GLIS3: variants seen among roughly 807,000 people sequenced by gnomAD.
GLIS3 encodes zinc finger protein GLIS3.
A neutral mutation model predicts 78.6 loss-of-function variants in GLIS3; 53 were observed. The ratio of observed to expected loss-of-function variants is 0.67; its 90% CI spans 0.54 to 0.85. GLIS3 has a LOEUF of 0.85. Ranked by LOEUF, GLIS3 falls within the 40% of genes least tolerant of loss-of-function variation. The probability of loss-of-function intolerance (pLI) is 0.00; values close to 1 mark genes in which losing one functional copy is unlikely to be tolerated. For synonymous variants in GLIS3, 684 were observed against 509.9 expected (o/e 1.34, Z -4.60); for missense variants, 1,703 against 1,231.1 (o/e 1.38, Z -5.74).
chr9:4,048,788 G>T (rs1588536139), intron 4 of GLIS3, among the ~76,000 whole-genome samples: 2 of 152,276 alleles, frequency 1.3e-5, no homozygotes, highest in African/African-American at 2.4e-5. Context: ...CCTAGCCTAT[G>T]CACCTGTTAG....
chr9:3,979,829 T>C (rs560075153), intron 4 of GLIS3, among the ~76,000 whole-genome samples: 32 of 152,216 alleles, frequency 2.1e-4, no homozygotes, highest in Non-Finnish European at 4.3e-4. Context: ...CCAGATGGTA[T>C]TTCTGGAAGA....
chr9:4,480,885 G>C, the GLIS3 span, among the ~76,000 whole-genome samples: 4 of 149,142 alleles, frequency 2.7e-5, no homozygotes, highest in South Asian at 6.3e-4. Flanking sequence ...GACAGGTATT[G>C]CTCTGTTGCT....
chr9:4,044,067 A>G (rs1825050861), intron 4 of GLIS3, among the ~76,000 whole-genome samples: 2 of 152,208 alleles, frequency 1.3e-5, no homozygotes, highest in African/African-American at 4.8e-5. Context: ...GGTCCGGCAC[A>G]GAAGAGAAAA....
chr9:3,940,896 C>T (rs796791466), intron 4 of GLIS3, among the ~76,000 whole-genome samples: 12 of 152,266 alleles, frequency 7.9e-5, no homozygotes, highest in African/African-American at 2.4e-4. Flanking sequence ...GCAAGGTCAA[C>T]GTGTACGGCT....
At chr9:4,026,031 T>C (rs1217158191) in intron 4 of GLIS3, among the ~76,000 whole-genome samples, 1 of 152,190 alleles carries the variant, frequency 6.6e-6, no homozygotes, top group African/African-American at 2.4e-5. Context: ...GCTAACATAA[T>C]CTATGCTTTG....
At chr9:4,132,377 C>T (rs1833042986) in intron 2 of GLIS3, among the ~76,000 whole-genome samples, 1 of 152,150 alleles carries the variant, frequency 6.6e-6, no homozygotes, top group South Asian at 2.1e-4. Context: ...TTAATGTCTT[C>T]ATTAGTTAAA....
chr9:4,102,884 T>C (rs1207169369), intron 4 of GLIS3, among the ~76,000 whole-genome samples: 1 of 151,980 alleles, frequency 6.6e-6, no homozygotes, highest in African/African-American at 2.4e-5. Context: ...TTCTATGTCA[T>C]CCTTAAGAGC....
chr9:3,866,815 A>C (rs1338605775), intron 8 of GLIS3, among the ~76,000 whole-genome samples: 1 of 152,206 alleles, frequency 6.6e-6, no homozygotes, highest in South Asian at 2.1e-4. Context: ...TATTCCATTT[A>C]CATCTTAAAG....
At chr9:4,165,004 C>T (rs1835768664) in intron 2 of GLIS3, among the ~76,000 whole-genome samples, 1 of 152,126 alleles carries the variant, frequency 6.6e-6, no homozygotes, top group Non-Finnish European at 1.5e-5. Flanking sequence ...TGCTTTGGTA[C>T]ACTGGGTTAC....
intron 2 of GLIS3, among the ~76,000 whole-genome samples, chr9:4,279,461 A>G (rs539569401): frequency 2.6e-5 from 4 of 151,040 alleles, no homozygotes; most frequent in African/African-American, 9.7e-5. Context: ...AAAAACAATA[A>G]TATCAACAAA....
chr9:4,192,028 A>C (rs1284159479), intron 2 of GLIS3, among the ~76,000 whole-genome samples: 1 of 152,198 alleles, frequency 6.6e-6, no homozygotes, highest in Non-Finnish European at 1.5e-5. Flanking sequence ...TTCTCAAAAA[A>C]GGGCCATAAT....
chr9:4,359,581 T>C, the GLIS3 span, among the ~76,000 whole-genome samples: 3 of 152,178 alleles, frequency 2.0e-5, no homozygotes, highest in Non-Finnish European at 4.4e-5. Flanking sequence ...CACTAAATGT[T>C]TTATTTAATA....
chr9:4,424,594 C>T, the GLIS3 span, among the ~76,000 whole-genome samples: 20 of 152,092 alleles, frequency 1.3e-4, no homozygotes, highest in Non-Finnish European at 2.6e-4. Context: ...GACAGAATTT[C>T]GCTCTGTCAT....
chr9:4,224,789 A>C (rs1821629943), intron 2 of GLIS3, among the ~76,000 whole-genome samples: 1 of 151,360 alleles, frequency 6.6e-6, no homozygotes, highest in Admixed American at 6.6e-5. Flanking sequence ...GAAGTATTTC[A>C]AGCTATTTTC....
chr9:4,131,031 A>AT (rs769925875), intron 2 of GLIS3, among the ~76,000 whole-genome samples: 81 of 152,292 alleles, frequency 5.3e-4, no homozygotes, highest in Non-Finnish European at 9.1e-4. Flanking sequence ...AAAGGAGATT[A>AT]TTTGGGAGCT....
chr9:4,296,529 T>C (rs574554155), intron 1 of GLIS3, among the ~76,000 whole-genome samples: 80 of 152,264 alleles, frequency 5.3e-4, no homozygotes, highest in African/African-American at 1.8e-3. Context: ...TGATCACTTC[T>C]TCCAAGCAAA....
the GLIS3 span, among the ~76,000 whole-genome samples, chr9:4,407,765 G>C: frequency 4.4e-3 from 664 of 152,268 alleles, 3 homozygotes; most frequent in Non-Finnish European, 6.7e-3. Flanking sequence ...TGTACACATA[G>C]AATCACATCA....
rs952529181 is a variant in GLIS3, at chr9:3,826,071, G to A, written c.*2201C>T. Reference sequence around the variant, plus strand: ...GGTGATGTCCATGGTTTCTAAAGTTGAGCTTCTGTCTTGTCCTCCTTCCCC... The same window carrying A: ...GGTGATGTCCATGGTTTCTAAAGTTAAGCTTCTGTCTTGTCCTCCTTCCCC... On this transcript the variant is annotated 3_prime_UTR_variant, in exon 11 of 11. Coordinates refer to ENST00000381971, the MANE Select transcript of GLIS3 (RefSeq NM_001042413.2). The A allele has an allele frequency of 5.3e-5, 8 of 152,178 alleles. No homozygotes were observed. The highest frequency in any genetic ancestry group is 1.9e-4 in the African/African-American group (8 of 41,434). 9.4% of individuals were successfully genotyped at this position (152,178 alleles called of 1,614,324 possible).
intron 4 of GLIS3, among the ~76,000 whole-genome samples, chr9:4,078,956 A>G (rs1001649504): frequency 6.6e-6 from 1 of 152,216 alleles, no homozygotes; most frequent in African/African-American, 2.4e-5. Context: ...TTTCTTAAAA[A>G]CAAATGTTTT....
Sources: gnomAD v4.1 joint callset for allele counts (sites outside exome capture counted in the v4.1 genomes callset) on GRCh38, gnomAD v4.1.1 for gene constraint, MANE v1.5 for transcripts, NCBI Gene and HGNC (gene_info 2026-07-23, HGNC 2026-07-21) for gene names.